The following TBL1X variants were observed in gnomAD, a reference collection of about 807,000 sequenced individuals.
TBL1X encodes the protein transducin beta like 1 X-linked.
TBL1X carries 10 observed loss-of-function variants against 50.7 expected under a neutral mutation model. The ratio of observed to expected loss-of-function variants is 0.20; its 90% confidence interval spans 0.12 to 0.33. The LOEUF is 0.33. Among genes scored for constraint, TBL1X ranks in the 10% least tolerant of loss-of-function variants. The probability of loss-of-function intolerance (pLI) is 1.00; values close to 1 mark genes in which losing one functional copy is unlikely to be tolerated. For synonymous variants in TBL1X, 190 were observed against 214.7 expected (o/e 0.88, Z 1.01); for missense variants, 340 against 504.4 (o/e 0.67, Z 3.12).
intron 1 of TBL1X, among the ~76,000 whole-genome samples, chrX:9,495,118 G>T (rs1232209735): frequency 9.0e-6 from 1 of 111,309 alleles, no homozygotes; most frequent in Non-Finnish European, 1.9e-5. Flanking sequence ...CTCATTGCCT[G>T]CAGTTTCTCT....
intron 2 of TBL1X, among the ~76,000 whole-genome samples, chrX:9,549,624 A>T (rs1033475783): frequency 8.9e-6 from 1 of 111,918 alleles, no homozygotes; most frequent in Admixed American, 9.5e-5. Flanking sequence ...AAGACCGTGC[A>T]TCCCAAGCGG....
At chrX:9,590,898 C>A (rs747767351) in intron 2 of TBL1X, among the ~76,000 whole-genome samples, 3 of 108,025 alleles carry the variant, frequency 2.8e-5, no homozygotes, top group Non-Finnish European at 5.7e-5. Context: ...GTTGGCATGT[C>A]CCACAGAACA....
At chrX:9,636,480 A>T (rs2082747485) in intron 2 of TBL1X, 1 of 69,532 alleles carries the variant, frequency 1.4e-5, no homozygotes, top group Non-Finnish European at 2.6e-5. Flanking sequence ...ACTGAAAACA[A>T]AGCAAAACAA....
chrX:9,700,029 A>G (rs748953903), intron 12 of TBL1X, among the ~76,000 whole-genome samples: 2 of 112,312 alleles, frequency 1.8e-5, no homozygotes, highest in Non-Finnish European at 3.8e-5. Flanking sequence ...TACCCATTCC[A>G]TCTTTCCCTG....
chrX:9,490,435 C>T (rs1350031234), intron 1 of TBL1X, among the ~76,000 whole-genome samples: 2 of 112,003 alleles, frequency 1.8e-5, no homozygotes, highest in Non-Finnish European at 3.8e-5. Context: ...GGGCAGACCC[C>T]AGGGGTTCCA....
intron 2 of TBL1X, among the ~76,000 whole-genome samples, chrX:9,596,317 T>C (rs370366398): frequency 2.0e-4 from 22 of 112,334 alleles, no homozygotes; most frequent in African/African-American, 7.1e-4. Context: ...AATTGTTACA[T>C]AGGCCAGCCT....
At chrX:9,509,198 T>C (rs1402285602) in intron 2 of TBL1X, among the ~76,000 whole-genome samples, 9 of 106,665 alleles carry the variant, frequency 8.4e-5, no homozygotes, top group East Asian at 3.0e-4. Context: ...TCATCCTGGC[T>C]AACATGGTGA....
chrX:9,526,990 C>T (rs2082135855), intron 2 of TBL1X, among the ~76,000 whole-genome samples: 1 of 111,697 alleles, frequency 9.0e-6, no homozygotes, highest in Non-Finnish European at 1.9e-5. Flanking sequence ...GGCCCCGCCA[C>T]ACGGAACCAC....
At chrX:9,645,870 G>A (rs566316304) in intron 3 of TBL1X, among the ~76,000 whole-genome samples, 1 of 111,236 alleles carries the variant, frequency 9.0e-6, no homozygotes, top group Middle Eastern at 4.6e-3. Context: ...TTTTGTTGTC[G>A]CCCCCTGCCA....
chrX:9,519,379 T>A (rs957323261), intron 2 of TBL1X, among the ~76,000 whole-genome samples: 4 of 111,295 alleles, frequency 3.6e-5, no homozygotes, highest in African/African-American at 1.3e-4. Flanking sequence ...CCAAAGCGCT[T>A]GGATTATAGG....
At chrX:9,546,900 G>C (rs2082246443) in intron 2 of TBL1X, among the ~76,000 whole-genome samples, 1 of 86,937 alleles carries the variant, frequency 1.2e-5, no homozygotes, top group African/African-American at 4.3e-5. Context: ...CTCACTGCAA[G>C]CTCCGCCTCC....
At chrX:9,545,650 G>T (rs746464175) in intron 2 of TBL1X, among the ~76,000 whole-genome samples, 7 of 110,400 alleles carry the variant, frequency 6.3e-5, no homozygotes, top group East Asian at 5.7e-4. Flanking sequence ...CTCTAAGGTT[G>T]CTCCCTTTCC....
intron 12 of TBL1X, among the ~76,000 whole-genome samples, chrX:9,703,653 C>T (rs1246482066): frequency 9.0e-6 from 1 of 111,632 alleles, no homozygotes; most frequent in Non-Finnish European, 1.9e-5. Flanking sequence ...TGAGAGTGCA[C>T]GGGGGCCCCC....
intron 2 of TBL1X, among the ~76,000 whole-genome samples, chrX:9,630,561 T>G (rs1172735355): frequency 8.9e-6 from 1 of 112,782 alleles, no homozygotes; most frequent in African/African-American, 3.2e-5. Flanking sequence ...ATTGTTATAT[T>G]GTTTTTAAAA....
chrX:9,682,502 C>G (rs2083031422), intron 5 of TBL1X, among the ~76,000 whole-genome samples: 1 of 112,002 alleles, frequency 8.9e-6, no homozygotes, highest in Admixed American at 9.4e-5. Context: ...GGGGACAGAA[C>G]AGAGGGTGGA....
intron 13 of TBL1X, 117 bp downstream of exon 13, chrX:9,705,231 T>C (rs2083199579): frequency 1.3e-5 from 14 of 1,117,659 alleles, no homozygotes; most frequent in Non-Finnish European, 1.7e-5. Context: ...AATGTGCCCC[T>C]TGGCTATTTG....
chrX:9,629,821 G>T (rs1281253179), intron 2 of TBL1X, among the ~76,000 whole-genome samples: 1 of 111,221 alleles, frequency 9.0e-6, no homozygotes, highest in Non-Finnish European at 1.9e-5. Context: ...ACCGTACTAG[G>T]ATTACATGGG....
chrX:9,605,165 T>C (rs2082576955), intron 2 of TBL1X, among the ~76,000 whole-genome samples: 1 of 110,446 alleles, frequency 9.1e-6, no homozygotes, highest in Admixed American at 9.6e-5. Context: ...CACAGGATCA[T>C]CTTCCAGTGG....
At chrX:9,566,751 CCTCT>C (rs56280122) in intron 2 of TBL1X, among the ~76,000 whole-genome samples, 1 of 110,369 alleles carries the variant, frequency 9.1e-6, no homozygotes, top group Admixed American at 9.6e-5. Context: ...GCGGACAGAT[CCTCT>C]CTGTCTCTCT....
Sources: allele counts gnomAD v4.1 joint callset (sites outside exome capture counted in the v4.1 genomes callset), GRCh38; gene constraint gnomAD v4.1.1; transcripts MANE v1.5; gene names NCBI Gene and HGNC (gene_info 2026-07-23, HGNC 2026-07-21).